GLT1D1: variants seen among roughly 807,000 people sequenced by gnomAD.
GLT1D1 encodes the protein glycosyltransferase 1 domain containing 1, also known as glycosyltransferase 1 domain-containing protein 1.
GLT1D1 carries 21 observed loss-of-function variants against 28.7 expected under a neutral mutation model. The observed-to-expected ratio is 0.73, with a 90% CI of 0.52 to 1.05. The LOEUF (loss-of-function observed/expected upper bound fraction) is 1.05. GLT1D1 is among the 50% of genes least tolerant of loss of function. The pLI, the probability that GLT1D1 is intolerant of heterozygous loss-of-function variation, is 0.00. For synonymous variants in GLT1D1, 147 were observed against 124.8 expected (o/e 1.18, Z -1.19); for missense variants, 343 against 330.6 (o/e 1.04, Z -0.29).
chr12:128,866,117 G>A (rs1487232740), intron 1 of GLT1D1, among the ~76,000 whole-genome samples: 4 of 147,900 alleles, frequency 2.7e-5, no homozygotes, highest in Non-Finnish European at 5.9e-5. Context: ...TGCCCAGGCT[G>A]GAGTGCAGTG....
At chr12:128,891,315 G>A (rs1869029864) in intron 3 of GLT1D1, among the ~76,000 whole-genome samples, 1 of 152,146 alleles carries the variant, frequency 6.6e-6, no homozygotes, top group Non-Finnish European at 1.5e-5. Flanking sequence ...TGGCTGGACA[G>A]TCAAGGGGGT....
intron 2 of GLT1D1, among the ~76,000 whole-genome samples, chr12:128,881,186 T>G (rs1957026865): frequency 7.9e-6 from 1 of 126,698 alleles, no homozygotes; most frequent in Admixed American, 9.9e-5. Flanking sequence ...ATCCTGCCAC[T>G]GCACTCCAGC....
Position 128,926,459 on chromosome 12 carries a change from G to A in GLT1D1, c.376-18867G>A, listed in dbSNP as rs1593141682. 3.4e-6 allele frequency: 5 copies of A among 1,453,718 alleles called. No individual in the cohort carries two copies. The highest frequency in any genetic ancestry group is 2.5e-5 in the East Asian group (1 of 40,382). 90.1% of individuals were successfully genotyped at this position (1,453,718 alleles called of 1,614,324 possible). A position where few individuals can be genotyped will look rare whatever the true frequency, so the allele number is the denominator to read the frequency against. ...ATCTGGTGGACGCATTTTCAGGTGT[G>A]TTTGCTGGCTACCTTCCTCCACTGT... On this transcript the variant is annotated intron_variant, in intron 4 of 7. Coordinates refer to ENST00000281703, the MANE Select transcript of GLT1D1 (RefSeq NM_144669.3).
At chr12:128,941,842 A>G (rs1875297554) in intron 4 of GLT1D1, among the ~76,000 whole-genome samples, 1 of 148,786 alleles carries the variant, frequency 6.7e-6, no homozygotes, top group South Asian at 2.1e-4. Context: ...GCCTCCTAAA[A>G]TGCTGGGATT....
chr12:128,941,166 G>A (rs1875183818), intron 4 of GLT1D1, among the ~76,000 whole-genome samples: 1 of 152,130 alleles, frequency 6.6e-6, no homozygotes, highest in Admixed American at 6.5e-5. Flanking sequence ...GCACTTCCTT[G>A]TCACGGCTGA....
intron 4 of GLT1D1, chr12:128,907,009 C>T (rs774584339): frequency 2.4e-5 from 17 of 700,324 alleles, no homozygotes; most frequent in African/African-American, 5.3e-5. Context: ...GAATGAGCTG[C>T]GTGTCTCCTT....
At chr12:128,930,747 T>C (rs1873770694) in intron 4 of GLT1D1, among the ~76,000 whole-genome samples, 1 of 152,100 alleles carries the variant, frequency 6.6e-6, no homozygotes, top group Admixed American at 6.5e-5. Context: ...AAGTAAAGAC[T>C]CTGGGCGCGT....
At chr12:128,873,673 A>C (rs949911015) in intron 1 of GLT1D1, among the ~76,000 whole-genome samples, 1 of 152,226 alleles carries the variant, frequency 6.6e-6, no homozygotes, top group Non-Finnish European at 1.5e-5. Flanking sequence ...AGGAGGCCTC[A>C]GGTCAACATT....
intron 4 of GLT1D1, among the ~76,000 whole-genome samples, chr12:128,908,323 CTTCTTTCTTTCTTTCT>C: frequency 6.8e-6 from 1 of 147,568 alleles, no homozygotes; most frequent in East Asian, 2.0e-4. Context: ...TTTTACTTTC[CTTCTTTCTTTCTTTCT>C]TTCTTTCCCT....
At chr12:128,912,830 C>A (rs1333909799) in intron 4 of GLT1D1, among the ~76,000 whole-genome samples, 2 of 150,974 alleles carry the variant, frequency 1.3e-5, no homozygotes, top group Non-Finnish European at 3.0e-5. Context: ...CCATGCCCAG[C>A]TGATTTTTTT....
intron 7 of GLT1D1, among the ~76,000 whole-genome samples, chr12:128,974,564 C>A (rs1041420415): frequency 1.3e-5 from 2 of 152,174 alleles, no homozygotes. Context: ...TACTGTCTCA[C>A]CATCCATAAG....
intron 4 of GLT1D1, among the ~76,000 whole-genome samples, chr12:128,921,752 G>A (rs955351736): frequency 6.6e-6 from 1 of 151,978 alleles, no homozygotes; most frequent in Non-Finnish European, 1.5e-5. Context: ...AAGTGTGTCA[G>A]AGTAGAGGAA....
intron 1 of GLT1D1, among the ~76,000 whole-genome samples, chr12:128,858,696 A>G (rs893579653): frequency 3.9e-5 from 6 of 152,126 alleles, no homozygotes; most frequent in Admixed American, 2.0e-4. Context: ...ATCTCCATTA[A>G]CATAGCTAGA....
intron 2 of GLT1D1, among the ~76,000 whole-genome samples, chr12:128,877,812 A>C (rs1312268034): frequency 6.6e-6 from 1 of 152,192 alleles, no homozygotes; most frequent in East Asian, 1.9e-4. Context: ...GTGGGCATTC[A>C]AAAGCAGCTT....
chr12:128,950,603 G>A (rs2135500888), intron 6 of GLT1D1, among the ~76,000 whole-genome samples: 1 of 152,284 alleles, frequency 6.6e-6, no homozygotes, highest in East Asian at 1.9e-4. Flanking sequence ...TACAGGTGAT[G>A]GTGCCCCCCC....
At chr12:128,946,493 C>A (rs182937062) in intron 5 of GLT1D1, among the ~76,000 whole-genome samples, 1 of 151,846 alleles carries the variant, frequency 6.6e-6, no homozygotes, top group East Asian at 1.9e-4. Flanking sequence ...ACTACAGGCA[C>A]CCGCCGCTGC....
chr12:128,864,622 A>G (rs12829274), intron 1 of GLT1D1, among the ~76,000 whole-genome samples: 7,486 of 152,224 alleles, frequency 0.049, 270 homozygotes, highest in Middle Eastern at 0.11. Flanking sequence ...TGCGATGAGC[A>G]GGGGAGGAGA....
chr12:128,887,228 G>C (rs1868500845), intron 2 of GLT1D1, among the ~76,000 whole-genome samples: 4 of 151,960 alleles, frequency 2.6e-5, no homozygotes, highest in African/African-American at 9.7e-5. Flanking sequence ...TGTTGCCCAG[G>C]CTGATCTCAA....
At chr12:128,925,359 G>A (rs970201605) in intron 4 of GLT1D1, among the ~76,000 whole-genome samples, 2 of 152,092 alleles carry the variant, frequency 1.3e-5, no homozygotes, top group African/African-American at 4.8e-5. Flanking sequence ...CCTCCGACAG[G>A]CCCCAGTGTG....
Sources: allele counts gnomAD v4.1 joint callset (sites outside exome capture counted in the v4.1 genomes callset), GRCh38; gene constraint gnomAD v4.1.1; transcripts MANE v1.5; gene names NCBI Gene and HGNC (gene_info 2026-07-23, HGNC 2026-07-21).